The following FBXW11 variants were observed in gnomAD, a reference collection of about 807,000 sequenced individuals.
FBXW11 encodes the protein F-box and WD repeat domain containing 11.
FBXW11 carries 19 observed loss-of-function variants against 77.6 expected under a neutral mutation model. The ratio of observed to expected loss-of-function variants is 0.24; its 90% confidence interval spans 0.17 to 0.36. The LOEUF (loss-of-function observed/expected upper bound fraction) is 0.36, where lower values mean the gene tolerates loss of function less well. FBXW11 is among the 10% of genes least tolerant of loss of function. The pLI is 1.00. For synonymous variants in FBXW11, 235 were observed against 249.4 expected (o/e 0.94, Z 0.54); for missense variants, 334 against 704.2 (o/e 0.47, Z 5.95).
rs758151513 is a variant in FBXW11, at chr5:172,006,479, C to T, written c.24G>A (p.Glu8=). ...TCACCATGAGCTCGATGGTCTTGTC[C>T]TCAATCACCGAGTCGGGCTCCATGG... MEPDSVI[E]DKTIELMCSV... The change falls in exon 1 of 14, where the codon GAG becomes GAA. Residue 8 remains glutamate, a synonymous_variant. Coordinates refer to ENST00000517395, the MANE Select transcript of FBXW11 (RefSeq NM_001378974.1). 17 of 1,551,874 alleles carry T rather than the reference C, an allele frequency of 1.1e-5. No homozygotes were observed. The highest frequency in any genetic ancestry group is 7.8e-5 in the East Asian group (3 of 38,526).
chr5:171,920,495 GGAGGAGGACTGCCTGAGGCGAGGAGTTT>G (rs1204093771), intron 2 of FBXW11, among the ~76,000 whole-genome samples: 1 of 151,694 alleles, frequency 6.6e-6, no homozygotes, highest in East Asian at 1.9e-4. Context: ...GGAGGCCGAG[GGAGGAGGACTGCCTGAGGCGAGGAGTTT>G]GAGACCATCC....
intron 2 of FBXW11, among the ~76,000 whole-genome samples, chr5:171,955,583 G>C (rs1219418875): frequency 6.6e-6 from 1 of 152,156 alleles, no homozygotes; most frequent in Non-Finnish European, 1.5e-5. Context: ...TGAGTACAGA[G>C]GAAGGAAGTC....
chr5:171,891,834 G>C (rs1286877837), intron 6 of FBXW11, among the ~76,000 whole-genome samples: 1 of 152,004 alleles, frequency 6.6e-6, no homozygotes, highest in Admixed American at 6.6e-5. Flanking sequence ...TTTCCAATGA[G>C]TTTTGGACTG....
In FBXW11 at chr5:171,875,158, T is replaced by G. The variant is rs142994153; in HGVS notation, c.1221+1127A>C. Among the ~76,000 whole-genome samples, 948 of 152,030 alleles carry G rather than the reference T, an allele frequency of 6.2e-3. 8 individuals carry two copies. The highest frequency in any genetic ancestry group is 0.054 in the Middle Eastern group (16 of 294). On this transcript the variant is annotated intron_variant, in intron 9 of 13. Coordinates refer to ENST00000517395, the MANE Select transcript of FBXW11 (RefSeq NM_001378974.1). ...CTGGCTGGGTGTGGTGGCTCATGCCTGTAATCCCAACACTTTGGGAGGCCA... is the reference window on the plus strand; with the variant it reads ...CTGGCTGGGTGTGGTGGCTCATGCCGGTAATCCCAACACTTTGGGAGGCCA...
chr5:171,989,707 A>G (rs1318323328), intron 1 of FBXW11, among the ~76,000 whole-genome samples: 1 of 152,190 alleles, frequency 6.6e-6, no homozygotes, highest in Non-Finnish European at 1.5e-5. Flanking sequence ...ACCAAATACA[A>G]AGGATGTACT....
intron 1 of FBXW11, among the ~76,000 whole-genome samples, chr5:171,995,048 C>A (rs544501098): frequency 1.6e-4 from 24 of 152,116 alleles, no homozygotes; most frequent in African/African-American, 5.5e-4. Flanking sequence ...ACAAGGATCA[C>A]GAAGTCAGAA....
chr5:171,876,225 C>T lies in FBXW11; in HGVS notation c.1221+60G>A, dbSNP rs1758074651. On this transcript the variant is annotated intron_variant, in intron 9 of 13. Coordinates refer to ENST00000517395, the MANE Select transcript of FBXW11 (RefSeq NM_001378974.1). This position sits in a 1 kb window ranked among gnomAD's most constrained non-coding sequence, Gnocchi z 4.2. ...ACCAGGTTGGTATAAGCCACCTCTGCTTTGTCTCTGTTCTAAAAGGGACAG... is the reference window on the plus strand; with the variant it reads ...ACCAGGTTGGTATAAGCCACCTCTGTTTTGTCTCTGTTCTAAAAGGGACAG... The T allele has an allele frequency of 8.1e-6, 13 of 1,597,376 alleles. No homozygotes were observed. The highest frequency in any genetic ancestry group is 1.1e-5 in the South Asian group (1 of 88,310).
Position 171,904,095 on chromosome 5 carries a change from G to C in FBXW11, c.437-3995C>G, listed in dbSNP as rs1020168876. Among the ~76,000 whole-genome samples, 1 of 152,092 alleles carries C rather than the reference G, an allele frequency of 6.6e-6. No individual in the cohort carries two copies. Among genetic ancestry groups the C allele is most frequent in the Non-Finnish European group, 1.5e-5 (1 of 68,008 alleles). ...GCAGATCGCTTGAGTCCAGGAGTTT[G>C]AGACCAGCCTGGACAGCATGGCAAA... On this transcript the variant is annotated intron_variant, in intron 4 of 13. Coordinates refer to ENST00000517395, the MANE Select transcript of FBXW11 (RefSeq NM_001378974.1). The surrounding 1 kb of genome is among the most constrained non-coding windows in gnomAD (Gnocchi z 4.0).
chr5:171,879,140 T>C (rs1380610766), intron 7 of FBXW11, among the ~76,000 whole-genome samples: 1 of 152,216 alleles, frequency 6.6e-6, no homozygotes, highest in Non-Finnish European at 1.5e-5. Flanking sequence ...GTGTTCCTTT[T>C]CTCGCTTCTT....
intron 1 of FBXW11, among the ~76,000 whole-genome samples, chr5:171,987,038 C>T (rs904069969): frequency 6.6e-6 from 1 of 152,178 alleles, no homozygotes; most frequent in Non-Finnish European, 1.5e-5. Context: ...GTGAACTGCG[C>T]ATGTGAGGGA....
At chr5:171,998,883 T>C (rs1766236534) in intron 1 of FBXW11, among the ~76,000 whole-genome samples, 1 of 151,774 alleles carries the variant, frequency 6.6e-6, no homozygotes, top group Non-Finnish European at 1.5e-5. Context: ...AGATTGTAAC[T>C]GTGACAAAGA....
chr5:171,933,044 T>C (rs569891954), intron 2 of FBXW11, among the ~76,000 whole-genome samples: 9 of 148,040 alleles, frequency 6.1e-5, no homozygotes, highest in East Asian at 3.9e-4. Flanking sequence ...GGTGGGAGGA[T>C]TGCTTAAGCC....
At chr5:171,931,780 C>A (rs969824036) in intron 2 of FBXW11, among the ~76,000 whole-genome samples, 1 of 145,210 alleles carries the variant, frequency 6.9e-6, no homozygotes, top group Admixed American at 7.1e-5. Flanking sequence ...GGACTGTTAT[C>A]CAAAATACAG....
At chr5:171,910,476 C>T (rs1342052157) in intron 4 of FBXW11, 96 bp downstream of exon 4, 6 of 747,312 alleles carry the variant, frequency 8.0e-6, no homozygotes, top group African/African-American at 5.3e-5. Flanking sequence ...TGCTGCCTCA[C>T]ACAGTACTCA....
At chr5:171,922,904 T>C (rs1330094124) in intron 2 of FBXW11, among the ~76,000 whole-genome samples, 1 of 151,924 alleles carries the variant, frequency 6.6e-6, no homozygotes, top group East Asian at 1.9e-4. Flanking sequence ...ATCGTGTGTG[T>C]GCGTGTGTGT....
intron 2 of FBXW11, among the ~76,000 whole-genome samples, chr5:171,932,094 C>T (rs373021331): frequency 2.0e-5 from 3 of 152,064 alleles, no homozygotes; most frequent in African/African-American, 4.8e-5. Context: ...AAGCTGGTCT[C>T]GAACTTCTGG....
At chr5:171,981,818 AAC>A (rs1765161557) in intron 1 of FBXW11, among the ~76,000 whole-genome samples, 1 of 152,222 alleles carries the variant, frequency 6.6e-6, no homozygotes, top group Non-Finnish European at 1.5e-5. Flanking sequence ...AGAATTGGTA[AAC>A]AGTTATATAC....
chr5:171,922,991 T>C (rs1263494661), intron 2 of FBXW11, among the ~76,000 whole-genome samples: 2 of 152,164 alleles, frequency 1.3e-5, no homozygotes, highest in African/African-American at 4.8e-5. Flanking sequence ...CCCAGCTCAC[T>C]GCAACCTCTG....
At chr5:171,943,302 T>C (rs931518846) in intron 2 of FBXW11, among the ~76,000 whole-genome samples, 3 of 152,160 alleles carry the variant, frequency 2.0e-5, no homozygotes, top group Admixed American at 6.5e-5. Context: ...AGTGATTCTG[T>C]TTTCTTAAGT....
Sources: gnomAD v4.1 joint callset for allele counts (sites outside exome capture counted in the v4.1 genomes callset) on GRCh38, gnomAD v4.1.1 for gene constraint, Gnocchi (gnomAD v3.1) non-coding constraint, MANE v1.5 for transcripts, NCBI Gene and HGNC (gene_info 2026-07-23, HGNC 2026-07-21) for gene names.